OSTN: variants seen among roughly 807,000 people sequenced by gnomAD.
The protein encoded by OSTN is osteocrin.
OSTN carries 9 observed loss-of-function variants against 12.0 expected under a neutral mutation model. The observed-to-expected ratio is 0.75, with a 90% CI of 0.45 to 1.30. The LOEUF (loss-of-function observed/expected upper bound fraction) is 1.30. OSTN is among the 50% of genes most tolerant of loss of function. The probability of loss-of-function intolerance (pLI) is 0.00; values close to 1 mark genes in which losing one functional copy is unlikely to be tolerated. For missense variants in OSTN, 148 were observed against 152.3 expected, an observed-to-expected ratio of 0.97 and a Z score of 0.15; for synonymous variants, 59 against 56.9, an observed-to-expected ratio of 1.04 and a Z score of -0.16.
At chr3:191,258,511 G>A (rs1338065779) in intron 4 of OSTN, among the ~76,000 whole-genome samples, 1 of 140,040 alleles carries the variant, frequency 7.1e-6, no homozygotes, top group Non-Finnish European at 1.5e-5. Flanking sequence ...GGCAAGGGGA[G>A]GGATAGCATT....
intron 4 of OSTN, among the ~76,000 whole-genome samples, chr3:191,254,943 C>G (rs1273020332): frequency 6.6e-6 from 1 of 152,166 alleles, no homozygotes; most frequent in Non-Finnish European, 1.5e-5. Flanking sequence ...TCTCTCTTCT[C>G]AGGGTCCTAA....
At chr3:191,239,401 A>G (rs537785083) in intron 3 of OSTN, among the ~76,000 whole-genome samples, 2 of 152,300 alleles carry the variant, frequency 1.3e-5, no homozygotes, top group Admixed American at 1.3e-4. Flanking sequence ...TGTGAATCTG[A>G]CTTATGTTCC....
At chr3:191,204,745 G>A (rs187413727) in intron 1 of OSTN, among the ~76,000 whole-genome samples, 3 of 152,172 alleles carry the variant, frequency 2.0e-5, no homozygotes, top group East Asian at 1.9e-4. Flanking sequence ...TTGAAATATC[G>A]AGATTACCTA....
chr3:191,232,224 G>A (rs944871665), intron 3 of OSTN, among the ~76,000 whole-genome samples: 20 of 150,604 alleles, frequency 1.3e-4, no homozygotes, highest in South Asian at 2.1e-4. Context: ...CCAGCTACTC[G>A]GGAGGCTGAG....
At chr3:191,256,861 T>C (rs1270287012) in intron 4 of OSTN, among the ~76,000 whole-genome samples, 1 of 152,038 alleles carries the variant, frequency 6.6e-6, no homozygotes, top group East Asian at 1.9e-4. Flanking sequence ...TTAAAACCTC[T>C]AAACTAGACA....
intron 4 of OSTN, among the ~76,000 whole-genome samples, chr3:191,257,352 T>A (rs1365531601): frequency 2.0e-5 from 3 of 152,150 alleles, no homozygotes; most frequent in African/African-American, 7.2e-5. Flanking sequence ...TAATAATTAG[T>A]AACTTTTATT....
At chr3:191,243,526 T>C (rs950948181) in intron 3 of OSTN, among the ~76,000 whole-genome samples, 1 of 152,158 alleles carries the variant, frequency 6.6e-6, no homozygotes, top group African/African-American at 2.4e-5. Flanking sequence ...CTGAAAGAAG[T>C]GGAGAAAAAT....
intron 3 of OSTN, among the ~76,000 whole-genome samples, chr3:191,239,895 CTCT>C (rs1715282158): frequency 6.6e-6 from 1 of 152,136 alleles, no homozygotes; most frequent in Admixed American, 6.5e-5. Context: ...GGCTTGCTTC[CTCT>C]TTTTATTGGA....
At chr3:191,262,658 T>A (rs1287161712) in intron 4 of OSTN, among the ~76,000 whole-genome samples, 1 of 152,272 alleles carries the variant, frequency 6.6e-6, no homozygotes, top group East Asian at 1.9e-4. Flanking sequence ...CTAGCTTATA[T>A]GTTTAAAATA....
chr3:191,255,349 T>G (rs1715648099), intron 4 of OSTN, among the ~76,000 whole-genome samples: 1 of 152,158 alleles, frequency 6.6e-6, no homozygotes, highest in East Asian at 1.9e-4. Context: ...GAATGCTGCT[T>G]TACCGCAAGT....
intron 2 of OSTN, 29 bp from the exon 3 acceptor site, chr3:191,218,718 T>C: frequency 6.3e-7 from 1 of 1,585,300 alleles, no homozygotes; most frequent in Non-Finnish European, 8.7e-7. Context: ...TTGTCTAAAT[T>C]AACGGAATCG....
At chr3:191,257,283 C>T (rs1576941116) in intron 4 of OSTN, among the ~76,000 whole-genome samples, 1 of 150,808 alleles carries the variant, frequency 6.6e-6, no homozygotes, top group East Asian at 1.9e-4. Context: ...TCCTTACACA[C>T]TTTGCATATT....
chr3:191,203,015 T>C (rs914120640), intron 1 of OSTN, among the ~76,000 whole-genome samples: 1 of 152,230 alleles, frequency 6.6e-6, no homozygotes, highest in African/African-American at 2.4e-5. Context: ...TAGTGATGCA[T>C]GTAACTTTCA....
intron 3 of OSTN, among the ~76,000 whole-genome samples, chr3:191,232,499 G>A (rs1228535998): frequency 1.4e-5 from 2 of 138,224 alleles, no homozygotes; most frequent in Non-Finnish European, 3.2e-5. Flanking sequence ...TATTCATAAA[G>A]TAAATGCTAT....
chr3:191,248,657 T>C (rs1220035243), intron 3 of OSTN, among the ~76,000 whole-genome samples: 1 of 152,124 alleles, frequency 6.6e-6, no homozygotes, highest in Non-Finnish European at 1.5e-5. Context: ...GGTCAAAAAA[T>C]TGAAGCAGGC....
intron 4 of OSTN, among the ~76,000 whole-genome samples, chr3:191,257,185 CAAA>C (rs71175391): frequency 0.031 from 2,202 of 72,172 alleles, 66 homozygotes; most frequent in African/African-American, 0.097. Context: ...AACCCTCTCT[CAAA>C]AAAAAAAAAA....
intron 1 of OSTN, among the ~76,000 whole-genome samples, chr3:191,209,311 T>C (rs937962300): frequency 1.3e-5 from 2 of 152,206 alleles, no homozygotes; most frequent in African/African-American, 4.8e-5. Context: ...CTTCCTAAAG[T>C]AATCACTAAT....
intron 1 of OSTN, among the ~76,000 whole-genome samples, chr3:191,210,295 C>A (rs1714386152): frequency 6.6e-6 from 1 of 152,216 alleles, no homozygotes; most frequent in African/African-American, 2.4e-5. Context: ...CTGGAGGCAA[C>A]TCACGGCAGT....
chr3:191,251,499 G>T (rs1715560582), intron 4 of OSTN, among the ~76,000 whole-genome samples: 1 of 152,074 alleles, frequency 6.6e-6, no homozygotes, highest in Admixed American at 6.6e-5. Context: ...GGCCCCAAAA[G>T]TATCATATTA....
Sources: gnomAD v4.1 joint callset for allele counts (sites outside exome capture counted in the v4.1 genomes callset) on GRCh38, gnomAD v4.1.1 for gene constraint, MANE v1.5 for transcripts, NCBI Gene and HGNC (gene_info 2026-07-23, HGNC 2026-07-21) for gene names.